Variants in PDE3A observed in about 807,000 individuals in gnomAD.
PDE3A encodes the protein phosphodiesterase 3A, also known as cGMP-inhibited 3',5'-cyclic phosphodiesterase 3A.
Under a neutral mutation model 98.3 loss-of-function variants are expected in PDE3A, and 43 were observed. The ratio of observed to expected loss-of-function variants is 0.44; its 90% CI spans 0.34 to 0.56. The LOEUF is 0.56. Ranked by LOEUF, PDE3A falls within the 20% of genes least tolerant of loss-of-function variation. The probability of loss-of-function intolerance (pLI) is 0.01; values close to 1 mark genes in which losing one functional copy is unlikely to be tolerated. For missense variants in PDE3A, 1,427 were observed against 1,440.7 expected (o/e 0.99, Z 0.15); for synonymous variants, 663 against 567.9 (o/e 1.17, Z -2.38).
chr12:20,679,976 C>T lies in PDE3A; in HGVS notation c.3185-54C>T. The T allele has an allele frequency of 3.7e-6, 5 of 1,360,920 alleles. No individual in the cohort carries two copies. In the South Asian group the frequency reaches 6.9e-5, roughly 19 times the overall value. The allele number at this position is 1,360,920 out of a possible 1,614,324, so 84.3% of individuals were successfully genotyped here. A position where few individuals can be genotyped will look rare whatever the true frequency, so the allele number is the denominator to read the frequency against. On this transcript the variant is annotated intron_variant, in intron 15 of 15. Transcript: ENST00000359062. ...TCTGAAAAGAGATAACGTTCATGTG[C>T]TCAGCACACAACTAAGTAGTCTGAT...
At chr12:20,541,721 A>C (rs1941916073) in intron 1 of PDE3A, among the ~76,000 whole-genome samples, 1 of 152,058 alleles carries the variant, frequency 6.6e-6, no homozygotes, top group Non-Finnish European at 1.5e-5. Flanking sequence ...TTGCAATAAA[A>C]CTTTTTTCTG....
chr12:20,640,019 T>C, intron 10 of PDE3A, 62 bp downstream of exon 10: 2 of 772,394 alleles, frequency 2.6e-6, no homozygotes, highest in South Asian at 1.4e-5. Context: ...TGTGGGTAAA[T>C]GGGATAGTGA....
At chr12:20,587,283 C>T (rs941792096) in intron 2 of PDE3A, among the ~76,000 whole-genome samples, 2 of 152,104 alleles carry the variant, frequency 1.3e-5, no homozygotes, top group East Asian at 3.9e-4. Flanking sequence ...GCAGAAGAAT[C>T]GCTTGAACGC....
At chr12:20,423,671 C>T (rs1335952286) in intron 1 of PDE3A, among the ~76,000 whole-genome samples, 1 of 151,992 alleles carries the variant, frequency 6.6e-6, no homozygotes, top group East Asian at 1.9e-4. Flanking sequence ...CTTTACTTCC[C>T]CTTGTTTTCA....
At position 20,683,566 on chromosome 12, in the gene PDE3A, A is replaced by G. The variant is rs776356417; in HGVS notation, c.*3295A>G. 1 of 152,182 alleles carries G rather than the reference A, an allele frequency of 6.6e-6. No homozygotes were observed. Among genetic ancestry groups the G allele is most frequent in the East Asian group, 1.9e-4 (1 of 5,192 alleles). The allele number at this position is 152,182 out of a possible 1,614,324, so 9.4% of individuals were successfully genotyped here. On this transcript the variant is annotated 3_prime_UTR_variant, in exon 16 of 16. Coordinates refer to ENST00000359062, the MANE Select transcript of PDE3A (RefSeq NM_000921.5). ...TGCTAATAAATGTCTTTCCGGTTATATATCTATCTAAATTAACCTTTAAAA... is the reference window on the plus strand; with the variant it reads ...TGCTAATAAATGTCTTTCCGGTTATGTATCTATCTAAATTAACCTTTAAAA...
chr12:20,550,512 AATC>A (rs1250759514), intron 1 of PDE3A, among the ~76,000 whole-genome samples: 29 of 152,108 alleles, frequency 1.9e-4, no homozygotes, highest in Non-Finnish European at 5.9e-5. Context: ...ACCATATTAT[AATC>A]ATCTTTAGTA....
At chr12:20,392,511 A>G (rs2120615775) in intron 1 of PDE3A, among the ~76,000 whole-genome samples, 1 of 68,550 alleles carries the variant, frequency 1.5e-5, no homozygotes, top group South Asian at 5.6e-4. Flanking sequence ...TGTCTCATAA[A>G]TAAATAAATA....
chr12:20,564,836 G>T lies in PDE3A; in HGVS notation c.1011+8126G>T, dbSNP rs114314869. Among the ~76,000 whole-genome samples the T allele has an allele frequency of 8.0e-3, 1,221 of 152,168 alleles. 22 individuals carry two copies. The highest frequency in any genetic ancestry group is 0.028 in the African/African-American group (1,165 of 41,546). ...TATTGAATGACCCTCTTATGTTGGG[G>T]CCTGTGGACATCATTTCCATGACAT... On this transcript the variant is annotated intron_variant, in intron 2 of 15. Coordinates refer to ENST00000359062, the MANE Select transcript of PDE3A (RefSeq NM_000921.5).
chr12:20,378,527 T>C (rs1022848604), intron 1 of PDE3A, among the ~76,000 whole-genome samples: 1 of 151,706 alleles, frequency 6.6e-6, no homozygotes, highest in African/African-American at 2.4e-5. Context: ...AGATTTTATA[T>C]CATAGATACA....
intron 2 of PDE3A, among the ~76,000 whole-genome samples, chr12:20,583,430 T>C (rs1479546488): frequency 6.6e-6 from 1 of 152,158 alleles, no homozygotes; most frequent in East Asian, 1.9e-4. Context: ...TAATTCCTAC[T>C]GGTGATTTCA....
At chr12:20,664,735 T>C (rs10161248) in intron 15 of PDE3A, among the ~76,000 whole-genome samples, 10,466 of 152,166 alleles carry the variant, frequency 0.069, 713 homozygotes, top group Middle Eastern at 0.18. Context: ...TTCTGCCATG[T>C]TTGTGAGACC....
intron 6 of PDE3A, among the ~76,000 whole-genome samples, chr12:20,631,505 AT>A (rs1394709647): frequency 2.0e-5 from 3 of 152,158 alleles, no homozygotes; most frequent in African/African-American, 7.2e-5. Flanking sequence ...ATTAAGAAGC[AT>A]TGTTTTATTG....
chr12:20,382,521 T>C (rs181501717), intron 1 of PDE3A, among the ~76,000 whole-genome samples: 1 of 152,052 alleles, frequency 6.6e-6, no homozygotes, highest in Admixed American at 6.6e-5. Context: ...TCCTCATCTG[T>C]AAAATAGGAA....
chr12:20,447,961 T>C (rs969924558), intron 1 of PDE3A, among the ~76,000 whole-genome samples: 1 of 152,122 alleles, frequency 6.6e-6, no homozygotes, highest in African/African-American at 2.4e-5. Context: ...TTGAAGAATC[T>C]TTTGTCAGAA....
intron 1 of PDE3A, among the ~76,000 whole-genome samples, chr12:20,508,668 G>T (rs1034237626): frequency 6.6e-6 from 1 of 151,828 alleles, no homozygotes; most frequent in African/African-American, 2.4e-5. Context: ...TAGATGAAGC[G>T]GTTAGAATAT....
chr12:20,457,316 A>G (rs1205087961), intron 1 of PDE3A, among the ~76,000 whole-genome samples: 1 of 151,436 alleles, frequency 6.6e-6, no homozygotes, highest in Non-Finnish European at 1.5e-5. Context: ...TAATATTAAC[A>G]TTGCTATACT....
chr12:20,638,739 A>G (rs555017699), intron 9 of PDE3A, among the ~76,000 whole-genome samples: 1 of 151,884 alleles, frequency 6.6e-6, no homozygotes, highest in Non-Finnish European at 1.5e-5. Flanking sequence ...TCTTGATTTT[A>G]TTTTTTTGCT....
intron 1 of PDE3A, among the ~76,000 whole-genome samples, chr12:20,480,285 A>C (rs985727912): frequency 2.6e-5 from 4 of 152,218 alleles, no homozygotes; most frequent in African/African-American, 4.8e-5. Context: ...TAAAACTCCA[A>C]GTCAAAACAA....
chr12:20,636,969 T>C, intron 8 of PDE3A, 131 bp from the exon 9 acceptor site: 1 of 558,100 alleles, frequency 1.8e-6, no homozygotes, highest in South Asian at 3.2e-5. Context: ...TAAGCAAAGA[T>C]CACTTATTCA....
Sources: allele counts gnomAD v4.1 joint callset (sites outside exome capture counted in the v4.1 genomes callset), GRCh38; gene constraint gnomAD v4.1.1; transcripts MANE v1.5; gene names NCBI Gene and HGNC (gene_info 2026-07-23, HGNC 2026-07-21).